The following KAZN variants were observed in gnomAD, a reference collection of about 807,000 sequenced individuals.
The protein encoded by KAZN is kazrin.
KAZN carries 40 observed loss-of-function variants against 87.4 expected under a neutral mutation model. That is an observed-to-expected ratio of 0.46 (90% confidence interval 0.36 to 0.60). The LOEUF (loss-of-function observed/expected upper bound fraction) is 0.60, where lower values mean the gene tolerates loss of function less well. Among genes scored for constraint, KAZN ranks in the 20% least tolerant of loss-of-function variants. The probability of loss-of-function intolerance (pLI) is 0.00; values close to 1 mark genes in which losing one functional copy is unlikely to be tolerated. For synonymous variants in KAZN, 466 were observed against 458.3 expected, an observed-to-expected ratio of 1.02 and a Z score of -0.22; for missense variants, 898 against 1,073.9, an observed-to-expected ratio of 0.84 and a Z score of 2.29.
chr1:14,351,768 C>A (rs1658567978), intron 2 of KAZN, among the ~76,000 whole-genome samples: 1 of 152,154 alleles, frequency 6.6e-6, no homozygotes, highest in Admixed American at 6.5e-5. Flanking sequence ...AACACTCGGA[C>A]CAGCAGCTAG....
At chr1:14,896,062 T>G (rs1307721253) in intron 1 of KAZN, among the ~76,000 whole-genome samples, 2 of 40,996 alleles carry the variant, frequency 4.9e-5, no homozygotes, top group South Asian at 1.4e-3. Flanking sequence ...TTTTTTTTTT[T>G]TTTTTTTTTT....
intron 8 of KAZN, among the ~76,000 whole-genome samples, chr1:15,078,566 G>A (rs916825573): frequency 6.6e-6 from 1 of 152,180 alleles, no homozygotes; most frequent in Non-Finnish European, 1.5e-5. Context: ...GCTGGAGGGA[G>A]GCAGACAAGG....
chr1:14,867,392 A>AC (rs1303880766), intron 1 of KAZN, among the ~76,000 whole-genome samples: 1 of 152,082 alleles, frequency 6.6e-6, no homozygotes, highest in Non-Finnish European at 1.5e-5. Flanking sequence ...AAAGCCCAAG[A>AC]CCATTGTATT....
intron 1 of KAZN, among the ~76,000 whole-genome samples, chr1:14,152,362 A>G (rs922265730): frequency 6.6e-6 from 1 of 152,146 alleles, no homozygotes; most frequent in African/African-American, 2.4e-5. Context: ...TCTGGGAACC[A>G]TCCTTCTACT....
intron 2 of KAZN, among the ~76,000 whole-genome samples, chr1:14,194,782 AGG>A (rs2100378095): frequency 6.6e-6 from 1 of 152,172 alleles, no homozygotes; most frequent in African/African-American, 2.4e-5. Flanking sequence ...AGCTGAAGGG[AGG>A]GGAGGGGGAC....
intron 1 of KAZN, among the ~76,000 whole-genome samples, chr1:14,682,627 G>A (rs1260880949): frequency 6.6e-6 from 1 of 152,028 alleles, no homozygotes; most frequent in African/African-American, 2.4e-5. Flanking sequence ...ATATCCCATT[G>A]TATATAGAGA....
At chr1:15,051,987 C>A (rs1355846906) in intron 4 of KAZN, among the ~76,000 whole-genome samples, 1 of 152,142 alleles carries the variant, frequency 6.6e-6, no homozygotes, top group African/African-American at 2.4e-5. Context: ...GTTCCAAGTT[C>A]TGAGTGCTTG....
intron 1 of KAZN, among the ~76,000 whole-genome samples, chr1:14,950,788 A>C (rs1235596591): frequency 6.6e-6 from 1 of 152,104 alleles, no homozygotes; most frequent in Non-Finnish European, 1.5e-5. Flanking sequence ...CAGGCCTCCC[A>C]GTCCAGGGAA....
chr1:14,739,717 G>A (rs1283717716), intron 1 of KAZN, among the ~76,000 whole-genome samples: 3 of 151,628 alleles, frequency 2.0e-5, no homozygotes, highest in Non-Finnish European at 2.9e-5. Context: ...CTGTGGTAAC[G>A]GGTCAAGTCA....
intron 2 of KAZN, among the ~76,000 whole-genome samples, chr1:14,378,544 C>T (rs868335141): frequency 3.9e-5 from 6 of 152,202 alleles, no homozygotes; most frequent in African/African-American, 1.2e-4. Context: ...CTGGTAGTGA[C>T]CGCATGGCAT....
At chr1:15,059,067 T>A (rs1306621940) in intron 5 of KAZN, among the ~76,000 whole-genome samples, 1 of 150,758 alleles carries the variant, frequency 6.6e-6, no homozygotes, top group African/African-American at 2.4e-5. Flanking sequence ...CAGATTGTAA[T>A]TAGCACAAGG....
At chr1:14,799,315 G>A (rs1373829645) in intron 1 of KAZN, among the ~76,000 whole-genome samples, 5 of 152,218 alleles carry the variant, frequency 3.3e-5, no homozygotes. Flanking sequence ...CTTCAGGGCT[G>A]CAGAAGCTGA....
chr1:13,893,875 T>C (rs888358004), intron 1 of KAZN: 5 of 1,219,904 alleles, frequency 4.1e-6, no homozygotes, highest in African/African-American at 1.5e-5. Flanking sequence ...CATCTCTTTC[T>C]TGATATAATG....
chr1:14,227,688 TTGA>T (rs999656404), intron 2 of KAZN, among the ~76,000 whole-genome samples: 3 of 152,178 alleles, frequency 2.0e-5, no homozygotes, highest in African/African-American at 7.2e-5. Flanking sequence ...AGCCCACCTC[TTGA>T]TGAGAGGAGT....
At chr1:14,660,037 C>T (rs992702257) in intron 1 of KAZN, among the ~76,000 whole-genome samples, 3 of 152,066 alleles carry the variant, frequency 2.0e-5, no homozygotes, top group Non-Finnish European at 4.4e-5. Context: ...GTTATTAAAA[C>T]GGAATTAAAC....
At chr1:13,975,431 G>A (rs924598104) in intron 1 of KAZN, among the ~76,000 whole-genome samples, 3 of 152,180 alleles carry the variant, frequency 2.0e-5, no homozygotes, top group Non-Finnish European at 4.4e-5. Flanking sequence ...TCAGAGGCTC[G>A]ACTCTTTCCT....
chr1:14,105,408 G>A (rs571469201), intron 1 of KAZN, among the ~76,000 whole-genome samples: 1 of 152,316 alleles, frequency 6.6e-6, no homozygotes, highest in East Asian at 1.9e-4. Context: ...AAGGCCCTGG[G>A]GTGGAAGGGG....
intron 1 of KAZN, among the ~76,000 whole-genome samples, chr1:14,729,375 G>A (rs1273869739): frequency 5.9e-5 from 9 of 152,284 alleles, no homozygotes; most frequent in Admixed American, 5.9e-4. Flanking sequence ...AGAGCCCCTC[G>A]CTATCTTCTC....
chr1:14,992,337 G>A (rs1667436543), intron 2 of KAZN, among the ~76,000 whole-genome samples: 1 of 152,188 alleles, frequency 6.6e-6, no homozygotes, highest in Admixed American at 6.5e-5. Context: ...CACCTCTAAT[G>A]CCCAGGGAGC....
Sources: allele counts gnomAD v4.1 joint callset (sites outside exome capture counted in the v4.1 genomes callset), GRCh38; gene constraint gnomAD v4.1.1; transcripts MANE v1.5; gene names NCBI Gene and HGNC (gene_info 2026-07-23, HGNC 2026-07-21).